The following CCDC171 variants were observed in gnomAD, a reference collection of about 807,000 sequenced individuals.
CCDC171 encodes the protein coiled-coil domain containing 171.
In CCDC171, 177 loss-of-function variants were observed where a neutral mutation model predicts 168.2. The ratio of observed to expected loss-of-function variants is 1.05; its 90% CI spans 0.93 to 1.19. The LOEUF (loss-of-function observed/expected upper bound fraction) is 1.19, where lower values mean the gene tolerates loss of function less well. Ranked by LOEUF, CCDC171 falls within the 50% of genes most tolerant of loss-of-function variation. The pLI is 0.00. For synonymous variants in CCDC171, 687 were observed against 540.8 expected (o/e 1.27, Z -3.75); for missense variants, 1,991 against 1,539.0 (o/e 1.29, Z -4.91).
At chr9:16,029,728 G>A (rs1833336664) in intron 6 of CCDC171, among the ~76,000 whole-genome samples, 1 of 152,188 alleles carries the variant, frequency 6.6e-6, no homozygotes, top group Non-Finnish European at 1.5e-5. Flanking sequence ...GGAGCTAGAA[G>A]GAGAAAGACT....
chr9:15,848,198 A>G (rs2060982066), intron 22 of CCDC171, among the ~76,000 whole-genome samples: 1 of 152,024 alleles, frequency 6.6e-6, no homozygotes, highest in Non-Finnish European at 1.5e-5. Flanking sequence ...CCACGGGCAC[A>G]TGTTTTTATA....
intron 11 of CCDC171, among the ~76,000 whole-genome samples, chr9:15,721,406 A>C (rs2053466680): frequency 6.6e-6 from 1 of 151,852 alleles, no homozygotes; most frequent in Non-Finnish European, 1.5e-5. Context: ...GTTGGATAAA[A>C]GGTATGTACA....
At chr9:16,033,323 G>C (rs1887668) in intron 6 of CCDC171, among the ~76,000 whole-genome samples, 56,332 of 152,092 alleles carry the variant, frequency 0.37, 12,270 homozygotes, top group East Asian at 0.62. Context: ...GCAGGAGAGT[G>C]ATGGACGCTT....
Position 15,971,513 on chromosome 9 carries a change from T to C in CCDC171, c.3754-96T>C, listed in dbSNP as rs1831353324. The C allele has an allele frequency of 1.0e-5, 7 of 699,794 alleles. No homozygotes were observed. In the South Asian group the frequency reaches 1.3e-4, roughly 13 times the overall value. The allele number at this position is 699,794 out of a possible 1,614,324, so 43.3% of individuals were successfully genotyped here. On this transcript the variant is annotated intron_variant, in intron 25 of 25. Coordinates refer to ENST00000380701, the MANE Select transcript of CCDC171 (RefSeq NM_173550.4). ...TAGTTTCCATCTCATTTTTATATTATAATGATTATTAGTCTACTTGCCTGT... is the reference window on the plus strand; with the variant it reads ...TAGTTTCCATCTCATTTTTATATTACAATGATTATTAGTCTACTTGCCTGT...
At chr9:15,593,091 G>T (rs2042107228) in intron 5 of CCDC171, among the ~76,000 whole-genome samples, 1 of 151,906 alleles carries the variant, frequency 6.6e-6, no homozygotes, top group African/African-American at 2.4e-5. Context: ...AGACCCTTGG[G>T]ACAGTTTGGA....
intron 7 of CCDC171, among the ~76,000 whole-genome samples, chr9:15,639,594 C>T (rs1210921595): frequency 1.3e-5 from 2 of 151,976 alleles, no homozygotes; most frequent in African/African-American, 4.8e-5. Context: ...AAAAAAATTA[C>T]AGTGTTCTCC....
intron 6 of CCDC171, among the ~76,000 whole-genome samples, chr9:16,029,514 G>T (rs555379857): frequency 2.0e-5 from 3 of 152,328 alleles, no homozygotes; most frequent in African/African-American, 7.2e-5. Flanking sequence ...GATTAGGATG[G>T]TCTGCTAAGG....
chr9:15,595,205 T>G (rs1417467093), intron 6 of CCDC171, among the ~76,000 whole-genome samples: 1 of 152,074 alleles, frequency 6.6e-6, no homozygotes, highest in Admixed American at 6.6e-5. Context: ...CGTGCAGGTT[T>G]GTTTCATATG....
At chr9:15,846,983 A>C in intron 22 of CCDC171, 136 bp downstream of exon 22, 1 of 671,918 alleles carries the variant, frequency 1.5e-6, no homozygotes, top group South Asian at 2.9e-5. Flanking sequence ...AAATTCTCTG[A>C]TATATCCTCA....
At chr9:15,642,269 A>C (rs1587676056) in intron 7 of CCDC171, among the ~76,000 whole-genome samples, 1 of 147,472 alleles carries the variant, frequency 6.8e-6, no homozygotes, top group East Asian at 2.0e-4. Flanking sequence ...TAGTATATAT[A>C]TGAACATATA....
intron 16 of CCDC171, among the ~76,000 whole-genome samples, chr9:15,731,021 C>T (rs2054118873): frequency 6.6e-6 from 1 of 151,924 alleles, no homozygotes; most frequent in Admixed American, 6.6e-5. Context: ...ATGCTCAAGC[C>T]AGAGTAAGAT....
chr9:15,925,036 T>C (rs1181169818), intron 25 of CCDC171, among the ~76,000 whole-genome samples: 1 of 151,596 alleles, frequency 6.6e-6, no homozygotes, highest in Non-Finnish European at 1.5e-5. Flanking sequence ...ATCTGCTTTT[T>C]GGTGGGCACA....
At chr9:15,569,824 C>T (rs10962075) in intron 2 of CCDC171, among the ~76,000 whole-genome samples, 1 of 111,158 alleles carries the variant, frequency 9.0e-6, no homozygotes, top group Non-Finnish European at 1.9e-5. Flanking sequence ...CAAAAAAAAA[C>T]AAAAAACAAA....
intron 23 of CCDC171, among the ~76,000 whole-genome samples, chr9:15,870,663 G>T (rs1030656900): frequency 6.7e-6 from 1 of 148,948 alleles, no homozygotes; most frequent in African/African-American, 2.5e-5. Context: ...ATGAGTGTGT[G>T]TTTTTTTTTT....
At position 15,657,133 on chromosome 9, in the gene CCDC171, A is replaced by T. The variant is rs376744648; in HGVS notation, c.829A>T (p.Thr277Ser). 60 of 1,596,166 alleles carry T rather than the reference A, an allele frequency of 3.8e-5. 1 individual carries two copies. In the South Asian group the frequency reaches 6.3e-4, roughly 17 times the overall value. ...ACTTTTAATTTGTTTTCAGGCAACT[A>T]CTCTAAGAGTGAGGAAATTAGAAGA... ...ERLRKEFEATTLRVRKLEENI... is the reference protein window; with the variant it reads ...ERLRKEFEATSLRVRKLEENI... Residue 277 changes from threonine (T) to serine (S), a missense_variant, in exon 8 of 26, where the codon ACT becomes TCT. Transcript: ENST00000380701.
At chr9:15,800,519 G>C (rs1344553498) in intron 21 of CCDC171, among the ~76,000 whole-genome samples, 1 of 151,944 alleles carries the variant, frequency 6.6e-6, no homozygotes, top group Non-Finnish European at 1.5e-5. Context: ...TTAATCCCTT[G>C]TCAGATGGAC....
intron 18 of CCDC171, among the ~76,000 whole-genome samples, chr9:15,762,656 T>A (rs2056511515): frequency 6.6e-6 from 1 of 152,232 alleles, no homozygotes; most frequent in Admixed American, 6.5e-5. Flanking sequence ...AAGCCAAATG[T>A]ATTGTGATAC....
At chr9:15,792,228 T>G (rs111723155) in intron 21 of CCDC171, among the ~76,000 whole-genome samples, 3,030 of 152,250 alleles carry the variant, frequency 0.02, 118 homozygotes, top group African/African-American at 0.069. Flanking sequence ...TATCAGTGAT[T>G]GAAGATCAAA....
intron 25 of CCDC171, among the ~76,000 whole-genome samples, chr9:15,967,583 G>C (rs767992871): frequency 2.6e-5 from 4 of 152,110 alleles, no homozygotes; most frequent in Non-Finnish European, 5.9e-5. Context: ...TCTGTCACAC[G>C]TGGAATTATG....
Sources: gnomAD v4.1 joint callset for allele counts (sites outside exome capture counted in the v4.1 genomes callset) on GRCh38, gnomAD v4.1.1 for gene constraint, MANE v1.5 for transcripts, NCBI Gene and HGNC (gene_info 2026-07-23, HGNC 2026-07-21) for gene names.